The following C3orf20 variants were observed in gnomAD, a reference collection of about 807,000 sequenced individuals.
C3orf20 encodes family with sequence similarity 149 member C, also known as uncharacterized protein C3orf20.
Under a neutral mutation model 88.3 loss-of-function variants are expected in C3orf20, and 76 were observed. The observed-to-expected ratio is 0.86, with a 90% CI of 0.72 to 1.04. C3orf20 has a LOEUF of 1.04. Ranked by LOEUF, C3orf20 falls within the 50% of genes least tolerant of loss-of-function variation. The pLI is 0.00. For synonymous variants in C3orf20, 436 were observed against 437.4 expected, an observed-to-expected ratio of 1.00 and a Z score of 0.04; for missense variants, 1,056 against 1,123.3, an observed-to-expected ratio of 0.94 and a Z score of 0.86.
Position 14,726,953 on chromosome 3 carries a change from C to G in C3orf20, c.1619C>G (p.Ala540Gly), listed in dbSNP as rs569984913. 1.8e-4 allele frequency: 286 copies of G among 1,614,158 alleles called. 4 individuals carry two copies. The South Asian group carries it at 2.5e-3, about 14-fold the overall frequency. Residue 540 changes from alanine to glycine, a missense_variant, in exon 11 of 17, where the codon GCC becomes GGC. Transcript: ENST00000253697. ...MDDKVYKMSR[A>G]LAEIKKRFQK... ...GACAAGGTGTATAAGATGAGCCGAG[C>G]CCTGGCTGAGATCAAGAAGCGGTTT...
At chr3:14,688,547 GA>G (rs900381173) in intron 4 of C3orf20, among the ~76,000 whole-genome samples, 7 of 115,996 alleles carry the variant, frequency 6.0e-5, no homozygotes, top group African/African-American at 2.1e-4. Flanking sequence ...AAAAAAAAAA[GA>G]AAAAAAAGAA....
chr3:14,739,310 A>C, intron 12 of C3orf20, among the ~76,000 whole-genome samples: 1 of 152,200 alleles, frequency 6.6e-6, no homozygotes, highest in Non-Finnish European at 1.5e-5. Context: ...GTACATCTCC[A>C]TCAGAACTCT....
At chr3:14,676,158 C>T (rs996347627) in intron 1 of C3orf20, among the ~76,000 whole-genome samples, 6 of 142,712 alleles carry the variant, frequency 4.2e-5, no homozygotes, top group African/African-American at 1.6e-4. Context: ...GAACAGAGCA[C>T]CTCCCCGCAC....
Position 14,715,346 on chromosome 3 carries a change from C to T in C3orf20, c.1371C>T (p.Gly457=). The change falls in exon 9 of 17, where the codon GGC becomes GGT. Residue 457 remains glycine (G), a synonymous_variant. Coordinates refer to ENST00000253697, the MANE Select transcript of C3orf20 (RefSeq NM_032137.5). Reference sequence around the variant, plus strand: ...GTGGGACCACCAATGACCAGCAGGGCTATGTAGTCCACAAGTGGAGCTGGA... The same window carrying T: ...GTGGGACCACCAATGACCAGCAGGGTTATGTAGTCCACAAGTGGAGCTGGA... ...EEGGTTNDQQ[G]YVVHKWSWTS... is the part of the protein sequence containing the mutation. 1 of 1,612,694 alleles carries T rather than the reference C, an allele frequency of 6.2e-7. No homozygotes were observed. Among genetic ancestry groups the T allele is most frequent in the Non-Finnish European group, 8.5e-7 (1 of 1,179,886 alleles).
chr3:14,735,449 A>G (rs1345636773), intron 12 of C3orf20, among the ~76,000 whole-genome samples: 1 of 152,196 alleles, frequency 6.6e-6, no homozygotes, highest in Admixed American at 6.5e-5. Context: ...TTACTAAAGT[A>G]TAATATACTC....
In C3orf20 at chr3:14,684,112, T is replaced by C. The variant is rs909886852; in HGVS notation, c.485-130T>C. The C allele has an allele frequency of 2.4e-6, 3 of 1,256,894 alleles. No individual in the cohort carries two copies. In the Admixed American group the frequency reaches 6.8e-5, roughly 28 times the overall value. The allele number at this position is 1,256,894 out of a possible 1,614,324, so 77.9% of individuals were successfully genotyped here. ...TTGAGAGCCTTTCACAGTAGCCCCC[T>C]CACCCCTGCATACCCTAGGAATAGC... On this transcript the variant is annotated intron_variant, in intron 3 of 16. Transcript: ENST00000253697.
chr3:14,733,958 A>G (rs1474227910), intron 12 of C3orf20, among the ~76,000 whole-genome samples: 2 of 152,238 alleles, frequency 1.3e-5, no homozygotes, highest in Admixed American at 1.3e-4. Flanking sequence ...AAGTGCTGGG[A>G]TTATAGGCGT....
intron 15 of C3orf20, 150 bp from the exon 16 acceptor site, chr3:14,771,917 G>A: frequency 1.0e-6 from 1 of 965,842 alleles, no homozygotes; most frequent in Admixed American, 2.5e-5. Context: ...CATGTCACTG[G>A]GTCCCCAAGG....
At chr3:14,702,983 A>G (rs1325301367) in intron 5 of C3orf20, 147 bp from the exon 6 acceptor site, 2 of 948,920 alleles carry the variant, frequency 2.1e-6, no homozygotes, top group Admixed American at 2.2e-5. Context: ...TACAGGGCCC[A>G]TGCAAGTCTA....
chr3:14,750,295 A>AAT (rs2035182388), intron 12 of C3orf20, among the ~76,000 whole-genome samples: 1 of 152,194 alleles, frequency 6.6e-6, no homozygotes, highest in Non-Finnish European at 1.5e-5. Flanking sequence ...CATGCCTATA[A>AAT]TCCCAGCACT....
chr3:14,711,808 C>T (rs552631700), intron 7 of C3orf20, among the ~76,000 whole-genome samples: 7 of 152,076 alleles, frequency 4.6e-5, no homozygotes, highest in Admixed American at 2.0e-4. Flanking sequence ...ATTGCTGATA[C>T]AGAAGGACTT....
At chr3:14,741,014 A>G (rs2034883572) in intron 12 of C3orf20, among the ~76,000 whole-genome samples, 1 of 152,170 alleles carries the variant, frequency 6.6e-6, no homozygotes, top group Admixed American at 6.5e-5. Flanking sequence ...TTTGTATCTA[A>G]TATTCTTTAG....
intron 5 of C3orf20, among the ~76,000 whole-genome samples, chr3:14,692,590 AT>A (rs376996713): frequency 6.6e-6 from 1 of 151,806 alleles, no homozygotes; most frequent in Non-Finnish European, 1.5e-5. Context: ...AGATTATTAG[AT>A]TTTTTTTCCT....
At position 14,768,234 on chromosome 3, in the gene C3orf20, C is replaced by T. The variant is rs376161102; in HGVS notation, c.2496-3833C>T. Among the ~76,000 whole-genome samples, 1 of 151,852 alleles carries T rather than the reference C, an allele frequency of 6.6e-6. No individual in the cohort carries two copies. Among genetic ancestry groups the T allele is most frequent in the African/African-American group, 2.4e-5 (1 of 41,210 alleles). On this transcript the variant is annotated intron_variant, in intron 15 of 16. Transcript: ENST00000253697. This position sits in a 1 kb window ranked among gnomAD's most constrained non-coding sequence, Gnocchi z 4.1. ...CTAGTTGGATCAGCAGTGCAGGGGG[C>T]CCACACCCTCGTCCGCTGCATACAC...
chr3:14,700,995 C>T (rs548928045), intron 5 of C3orf20, among the ~76,000 whole-genome samples: 1 of 152,214 alleles, frequency 6.6e-6, no homozygotes, highest in East Asian at 1.9e-4. Flanking sequence ...TCCAATGTTA[C>T]AAGAAGAGAA....
chr3:14,704,599 G>A lies in C3orf20; in HGVS notation c.1141G>A (p.Asp381Asn). ...KAFKFHYTFY[D>N]GSSFVYYPSG... is the part of the protein sequence containing the mutation. ...CTTCAAGTTTCATTACACCTTCTAT[G>A]ATGGCTCCTCCTTCGTTTAGTATCC... The change falls in exon 7 of 17, where the codon GAT becomes AAT. Residue 381 changes from aspartate to asparagine, a missense_variant. Transcript: ENST00000253697. The A allele has an allele frequency of 6.2e-7, 1 of 1,613,856 alleles. No homozygotes were observed. Among genetic ancestry groups the A allele is most frequent in the Non-Finnish European group, 8.5e-7 (1 of 1,180,014 alleles).
At chr3:14,745,868 A>G (rs2035044381) in intron 12 of C3orf20, among the ~76,000 whole-genome samples, 2 of 152,190 alleles carry the variant, frequency 1.3e-5, no homozygotes, top group African/African-American at 4.8e-5. Context: ...TAACCATTTA[A>G]TGAAGTGTGC....
At chr3:14,694,866 C>T (rs2032915928) in intron 5 of C3orf20, among the ~76,000 whole-genome samples, 1 of 152,074 alleles carries the variant, frequency 6.6e-6, no homozygotes, top group Admixed American at 6.6e-5. Flanking sequence ...TCTCAGCTCA[C>T]TGCAACCTCC....
chr3:14,710,302 CT>C (rs2033688492), intron 7 of C3orf20, among the ~76,000 whole-genome samples: 1 of 151,646 alleles, frequency 6.6e-6, no homozygotes, highest in Non-Finnish European at 1.5e-5. Flanking sequence ...AAAGATGCAA[CT>C]TTTGGTTTTG....
Sources: gnomAD v4.1 joint callset for allele counts (sites outside exome capture counted in the v4.1 genomes callset) on GRCh38, gnomAD v4.1.1 for gene constraint, Gnocchi (gnomAD v3.1) non-coding constraint, MANE v1.5 for transcripts, NCBI Gene and HGNC (gene_info 2026-07-23, HGNC 2026-07-21) for gene names.